Variants in CSMD3 observed in about 807,000 individuals in gnomAD.
CSMD3 encodes the protein CUB and sushi domain-containing protein 3.
In CSMD3, 177 loss-of-function variants were observed where a neutral mutation model predicts 435.2. The observed-to-expected ratio is 0.41, with a 90% CI of 0.36 to 0.46. The LOEUF is 0.46. CSMD3 is among the 20% of genes least tolerant of loss of function. The probability of loss-of-function intolerance (pLI) is 0.34; values close to 1 mark genes in which losing one functional copy is unlikely to be tolerated. For missense variants in CSMD3, 4,265 were observed against 4,504.6 expected (o/e 0.95, Z 1.52); for synonymous variants, 1,656 against 1,520.5 (o/e 1.09, Z -2.07).
At chr8:112,276,692 A>G (rs1318088807) in intron 59 of CSMD3, among the ~76,000 whole-genome samples, 1 of 152,160 alleles carries the variant, frequency 6.6e-6, no homozygotes, top group Non-Finnish European at 1.5e-5. Flanking sequence ...AGAGTGTACA[A>G]GTCCTTGAAG....
chr8:113,188,478 C>T (rs549580480), intron 3 of CSMD3, among the ~76,000 whole-genome samples: 99 of 152,072 alleles, frequency 6.5e-4, no homozygotes, highest in Non-Finnish European at 1.3e-3. Context: ...AAGCCAAGTA[C>T]AATAATCCTT....
At chr8:113,137,508 G>C (rs1011343921) in intron 4 of CSMD3, among the ~76,000 whole-genome samples, 1 of 151,548 alleles carries the variant, frequency 6.6e-6, no homozygotes, top group South Asian at 2.1e-4. Context: ...TATAAAAATA[G>C]AAATTTATTT....
At chr8:113,218,606 G>T (rs1050609895) in intron 3 of CSMD3, among the ~76,000 whole-genome samples, 1 of 151,072 alleles carries the variant, frequency 6.6e-6, no homozygotes, top group African/African-American at 2.4e-5. Context: ...GCACTCAATA[G>T]ATGCAGAAAA....
rs531037358 is a variant in CSMD3 at position 112,658,020 on chromosome 8, T to C, written c.2817-1679A>G. 1.2e-4 allele frequency among the ~76,000 whole-genome samples: 19 copies of C among 152,332 alleles called. No individual in the cohort carries two copies. In the South Asian group the frequency reaches 2.7e-3, roughly 22 times the overall value. ...TATTGGATCAAAGAAAAAATGAATG[T>C]ATTTTACAGTTAAAAATGTCTTTCT... is the stretch of plus-strand genomic sequence containing the variant. On this transcript the variant is annotated intron_variant, in intron 17 of 70. Coordinates refer to ENST00000297405, the MANE Select transcript of CSMD3 (RefSeq NM_198123.2).
In CSMD3 at chr8:113,045,565, C is replaced by G. The variant is rs1301946466; in HGVS notation, c.918-26386G>C. 2.0e-5 allele frequency among the ~76,000 whole-genome samples: 3 copies of G among 149,198 alleles called. 1 individual carries two copies. Among genetic ancestry groups the G allele is most frequent in the African/African-American group, 4.9e-5 (2 of 41,214 alleles). On this transcript the variant is annotated intron_variant, in intron 5 of 70. Transcript: ENST00000297405. ...CTAATTCAAACAAAAAAAATAAAGC[C>G]AAAGCAAGTAATAAACAAAGCAATT...
At chr8:113,019,583 T>C (rs918374572) in intron 5 of CSMD3, among the ~76,000 whole-genome samples, 1 of 149,900 alleles carries the variant, frequency 6.7e-6, no homozygotes, top group Non-Finnish European at 1.5e-5. Context: ...TGTATTCTTA[T>C]TGTTAATAAT....
chr8:112,708,765 C>G (rs1284251073), intron 13 of CSMD3, among the ~76,000 whole-genome samples: 1 of 148,716 alleles, frequency 6.7e-6, no homozygotes, highest in Non-Finnish European at 1.5e-5. Context: ...TAAACCACAA[C>G]CTCTGCAACA....
chr8:112,269,555 C>T (rs1489517530), intron 59 of CSMD3, among the ~76,000 whole-genome samples: 1 of 152,142 alleles, frequency 6.6e-6, no homozygotes, highest in African/African-American at 2.4e-5. Flanking sequence ...CTGTTTGTGT[C>T]TTCTTCCCAA....
intron 10 of CSMD3, among the ~76,000 whole-genome samples, chr8:112,899,638 T>TACAC (rs1554713332): frequency 8.4e-6 from 1 of 118,466 alleles, no homozygotes; most frequent in African/African-American, 3.3e-5. Context: ...TATATGTATA[T>TACAC]ACATATATGT....
chr8:113,166,721 A>T (rs768969797), intron 4 of CSMD3, among the ~76,000 whole-genome samples: 1 of 152,074 alleles, frequency 6.6e-6, no homozygotes, highest in Non-Finnish European at 1.5e-5. Context: ...TGCTGAAAAA[A>T]TTAATTCTAC....
intron 32 of CSMD3, among the ~76,000 whole-genome samples, chr8:112,416,114 C>T (rs1323666963): frequency 6.6e-6 from 1 of 151,896 alleles, no homozygotes; most frequent in African/African-American, 2.4e-5. Context: ...TGGGCTGTGT[C>T]CTCATCCAAA....
intron 40 of CSMD3, among the ~76,000 whole-genome samples, chr8:112,350,092 G>T (rs1468020917): frequency 6.6e-6 from 1 of 151,952 alleles, no homozygotes; most frequent in Non-Finnish European, 1.5e-5. Context: ...AACAAGAGAG[G>T]CCCTTAGAAG....
chr8:113,378,431 A>G (rs765375636), intron 1 of CSMD3, among the ~76,000 whole-genome samples: 5 of 152,156 alleles, frequency 3.3e-5, no homozygotes, highest in Non-Finnish European at 5.9e-5. Context: ...ATATAAGTAA[A>G]CATTTTAATT....
At chr8:112,449,951 T>A (rs533060119) in intron 32 of CSMD3, among the ~76,000 whole-genome samples, 1 of 152,308 alleles carries the variant, frequency 6.6e-6, no homozygotes, top group Non-Finnish European at 1.5e-5. Context: ...CTTGAACTCC[T>A]GACCTCAGCT....
At chr8:112,416,245 A>G (rs1331382785) in intron 32 of CSMD3, among the ~76,000 whole-genome samples, 1 of 152,100 alleles carries the variant, frequency 6.6e-6, no homozygotes. Context: ...GTGAGTTCTT[A>G]TGAGATATGA....
At position 113,131,966 on chromosome 8, in the gene CSMD3, A is replaced by T. The variant is rs534176963; in HGVS notation, c.710-33003T>A. Among the ~76,000 whole-genome samples, 11 of 152,282 alleles carry T rather than the reference A, an allele frequency of 7.2e-5. No individual in the cohort carries two copies. The South Asian group carries it at 1.7e-3, about 23-fold the overall frequency. The stretch of plus-strand genomic sequence containing the variant: ...CACCTTGCCTCAGCATGCCCTGGAT[A>T]TGAGACATGGAGTCAAAGGAGATCA... On this transcript the variant is annotated intron_variant, in intron 4 of 70. Coordinates refer to ENST00000297405, the MANE Select transcript of CSMD3 (RefSeq NM_198123.2).
At chr8:112,952,943 AG>A (rs1245575982) in intron 8 of CSMD3, among the ~76,000 whole-genome samples, 1 of 151,390 alleles carries the variant, frequency 6.6e-6, no homozygotes, top group Non-Finnish European at 1.5e-5. Context: ...GTACAAGAAA[AG>A]TGGAAATAAT....
intron 13 of CSMD3, among the ~76,000 whole-genome samples, chr8:112,785,953 A>G (rs12679618): frequency 0.33 from 50,550 of 151,890 alleles, 9,265 homozygotes; most frequent in African/African-American, 0.5. Flanking sequence ...GAACCACAAA[A>G]GACCCAGAAT....
At chr8:112,398,344 A>C (rs997749390) in intron 35 of CSMD3, among the ~76,000 whole-genome samples, 3 of 152,112 alleles carry the variant, frequency 2.0e-5, no homozygotes, top group African/African-American at 7.2e-5. Flanking sequence ...CAGCTCTCAC[A>C]GGTTAGAGTT....
Sources: allele counts gnomAD v4.1 joint callset (sites outside exome capture counted in the v4.1 genomes callset), GRCh38; gene constraint gnomAD v4.1.1; transcripts MANE v1.5; gene names NCBI Gene and HGNC (gene_info 2026-07-23, HGNC 2026-07-21).